APBA2: variants seen among roughly 807,000 people sequenced by gnomAD.
APBA2 encodes amyloid beta precursor protein binding family A member 2.
In APBA2, 30 loss-of-function variants were observed where a neutral mutation model predicts 75.0. The observed-to-expected ratio is 0.40, with a 90% confidence interval of 0.30 to 0.54. The LOEUF is 0.54. APBA2 is among the 20% of genes least tolerant of loss of function. APBA2 has a pLI of 0.49. For missense variants in APBA2, 801 were observed against 1,016.1 expected (o/e 0.79, Z 2.88); for synonymous variants, 444 against 409.6 (o/e 1.08, Z -1.01).
intron 3 of APBA2, among the ~76,000 whole-genome samples, chr15:29,023,321 T>C (rs2040043425): frequency 6.6e-6 from 1 of 152,156 alleles, no homozygotes; most frequent in Non-Finnish European, 1.5e-5. Flanking sequence ...GATGTTTTGC[T>C]GCACTTGGCT....
At position 28,970,741 on chromosome 15, in the gene APBA2, A is replaced by AT. The variant is rs984923358; in HGVS notation, c.-94-25003dup. ...TATGAGGGAAAACAAGAACATTCTCATTTTTTTTTGTCTTGCTGAATTAAA... is the reference window on the plus strand; with the variant it reads ...TATGAGGGAAAACAAGAACATTCTCATTTTTTTTTTGTCTTGCTGAATTAAA... On this transcript the variant is annotated intron_variant, in intron 2 of 14. Coordinates refer to ENST00000683413, the MANE Select transcript of APBA2 (RefSeq NM_001353788.2). Among the ~76,000 whole-genome samples, 87 of 149,054 alleles carry AT rather than the reference A, an allele frequency of 5.8e-4. 1 individual carries two copies. Among genetic ancestry groups the AT allele is most frequent in the African/African-American group, 3.0e-4 (12 of 40,608 alleles).
chr15:28,886,594 A>G (rs2031746658), intron 1 of APBA2, among the ~76,000 whole-genome samples: 1 of 151,804 alleles, frequency 6.6e-6, no homozygotes, highest in Non-Finnish European at 1.5e-5. Context: ...CGGCGCGGAC[A>G]AGAGGCGCTG....
intron 1 of APBA2, among the ~76,000 whole-genome samples, chr15:28,898,296 G>A (rs1407856396): frequency 4.6e-5 from 7 of 152,200 alleles, no homozygotes; most frequent in African/African-American, 1.7e-4. Flanking sequence ...AGTGTCCATA[G>A]CAGCGTGATG....
intron 4 of APBA2, among the ~76,000 whole-genome samples, chr15:29,064,116 C>T (rs554027222): frequency 1.3e-5 from 2 of 152,290 alleles, no homozygotes; most frequent in Non-Finnish European, 1.5e-5. Flanking sequence ...CTGATTTTCT[C>T]ACACCGAATA....
At position 29,015,437 on chromosome 15, in the gene APBA2, G is replaced by C. The variant is rs138285100; in HGVS notation, c.-41+19631G>C. 5.9e-4 allele frequency among the ~76,000 whole-genome samples: 90 copies of C among 152,266 alleles called. 1 individual carries two copies. The highest frequency in any genetic ancestry group is 2.2e-3 in the African/African-American group (90 of 41,554). On this transcript the variant is annotated intron_variant, in intron 3 of 14. Transcript: ENST00000683413. ...CTCAGTTGGTAAATCCCATCCCAAG[G>C]GGGCAGCTCCTCTCCTGTCTGTGGT...
chr15:29,020,123 G>T (rs920395534), intron 3 of APBA2, among the ~76,000 whole-genome samples: 1 of 152,038 alleles, frequency 6.6e-6, no homozygotes, highest in Admixed American at 6.6e-5. Context: ...GGGGTTATTC[G>T]TCTTTTTCTT....
chr15:29,108,887 C>G (rs1387247036), intron 13 of APBA2, among the ~76,000 whole-genome samples: 1 of 152,226 alleles, frequency 6.6e-6, no homozygotes, highest in East Asian at 1.9e-4. Context: ...GGAGGTGATG[C>G]TGGGCTTGAG....
intron 1 of APBA2, among the ~76,000 whole-genome samples, chr15:28,916,677 G>C (rs2033704310): frequency 6.6e-6 from 1 of 152,164 alleles, no homozygotes. Context: ...ACGTGTGCTC[G>C]CTGTAGCTCA....
At chr15:29,002,699 G>C (rs536875165) in intron 3 of APBA2, among the ~76,000 whole-genome samples, 1 of 152,142 alleles carries the variant, frequency 6.6e-6, no homozygotes, top group East Asian at 1.9e-4. Flanking sequence ...AAAACAGAAT[G>C]GTGGCAGACA....
In APBA2 at chr15:28,969,128, T is replaced by TTTC. The variant is rs1595597095; in HGVS notation, c.-94-26623_-94-26622insCTT. 7.0e-3 allele frequency among the ~76,000 whole-genome samples: 955 copies of TTTC among 137,130 alleles called. 19 individuals are homozygous for TTTC. Among genetic ancestry groups the TTTC allele is most frequent in the East Asian group, 0.036 (173 of 4,770 alleles). 90.0% of individuals were successfully genotyped at this position (137,130 alleles called of 152,430 possible). On this transcript the variant is annotated intron_variant, in intron 2 of 14. Coordinates refer to ENST00000683413, the MANE Select transcript of APBA2 (RefSeq NM_001353788.2). ...TACAAAAACCTTACCTTTCATTTCT[T>TTTC]TTTCTTTCTTTCTTTCTTTCTTTCT... is the stretch of plus-strand genomic sequence containing the variant.
chr15:29,091,977 G>C (rs1008328455), intron 6 of APBA2, among the ~76,000 whole-genome samples: 1 of 152,224 alleles, frequency 6.6e-6, no homozygotes, highest in Middle Eastern at 3.2e-3. Flanking sequence ...GGGCAGTCGG[G>C]AGGGATAAAG....
chr15:29,057,427 G>T (rs889818249), intron 4 of APBA2, among the ~76,000 whole-genome samples: 12 of 152,182 alleles, frequency 7.9e-5, no homozygotes, highest in Admixed American at 2.6e-4. Flanking sequence ...TTTAGTCATT[G>T]CACGAATGGC....
At chr15:28,968,787 C>T (rs574820931) in intron 2 of APBA2, among the ~76,000 whole-genome samples, 2 of 152,134 alleles carry the variant, frequency 1.3e-5, no homozygotes, top group Non-Finnish European at 2.9e-5. Context: ...GCATGCCCAG[C>T]GTACTTCCAA....
At chr15:29,111,309 C>T (rs1211755614) in intron 13 of APBA2, among the ~76,000 whole-genome samples, 2 of 152,086 alleles carry the variant, frequency 1.3e-5, no homozygotes, top group Non-Finnish European at 2.9e-5. Flanking sequence ...GTTCCACCCT[C>T]TGGCTCTGCC....
chr15:28,993,747 C>T (rs2038360319), intron 2 of APBA2, among the ~76,000 whole-genome samples: 1 of 152,208 alleles, frequency 6.6e-6, no homozygotes, highest in South Asian at 2.1e-4. Context: ...TTTCTGGAGA[C>T]TCGCAGACTC....
intron 4 of APBA2, among the ~76,000 whole-genome samples, chr15:29,061,106 A>G (rs2042112762): frequency 6.6e-6 from 1 of 152,070 alleles, no homozygotes; most frequent in Non-Finnish European, 1.5e-5. Context: ...AGCACCAAAG[A>G]TCCTAGTTCT....
At chr15:29,059,021 G>C (rs956577217) in intron 4 of APBA2, among the ~76,000 whole-genome samples, 1 of 152,184 alleles carries the variant, frequency 6.6e-6, no homozygotes, top group Non-Finnish European at 1.5e-5. Flanking sequence ...AAATTGATTT[G>C]TAACCCTGAA....
At chr15:29,015,848 CCGGGG>C (rs2039631970) in intron 3 of APBA2, among the ~76,000 whole-genome samples, 2 of 152,186 alleles carry the variant, frequency 1.3e-5, no homozygotes, top group Admixed American at 1.3e-4. Flanking sequence ...GCCATGTGAC[CCGGGG>C]CAGATCCTTG....
At chr15:28,970,481 A>C (rs1404510343) in intron 2 of APBA2, 2 of 150,146 alleles carry the variant, frequency 1.3e-5, no homozygotes, top group Non-Finnish European at 3.0e-5. Context: ...GTCTGAGACC[A>C]GCCTGGGGCC....
Sources: allele counts gnomAD v4.1 joint callset (sites outside exome capture counted in the v4.1 genomes callset), GRCh38; gene constraint gnomAD v4.1.1; transcripts MANE v1.5; gene names NCBI Gene and HGNC (gene_info 2026-07-23, HGNC 2026-07-21).